Variants in LRP1B observed in about 807,000 individuals in gnomAD.
LRP1B encodes the protein low-density lipoprotein receptor-related protein 1B.
In LRP1B, 217 loss-of-function variants were observed where a neutral mutation model predicts 556.6. The ratio of observed to expected loss-of-function variants is 0.39; its 90% CI spans 0.35 to 0.44. The LOEUF is 0.44. LRP1B is among the 20% of genes least tolerant of loss of function. LRP1B has a pLI of 1.00. For synonymous variants in LRP1B, 2,047 were observed against 1,865.8 expected (o/e 1.10, Z -2.50); for missense variants, 5,053 against 5,620.8 (o/e 0.90, Z 3.23).
chr2:140,920,888 CTCAAG>C (rs1346284082), intron 21 of LRP1B, among the ~76,000 whole-genome samples: 1 of 151,974 alleles, frequency 6.6e-6, no homozygotes, highest in Non-Finnish European at 1.5e-5. Context: ...TAATCCAAAT[CTCAAG>C]TCAACACATA....
At chr2:141,238,337 T>C (rs1350972303) in intron 5 of LRP1B, among the ~76,000 whole-genome samples, 1 of 152,168 alleles carries the variant, frequency 6.6e-6, no homozygotes, top group Non-Finnish European at 1.5e-5. Context: ...TAAAATGTAA[T>C]GGGTATTGAC....
intron 2 of LRP1B, among the ~76,000 whole-genome samples, chr2:141,789,047 C>G (rs1047291883): frequency 1.3e-5 from 2 of 151,720 alleles, no homozygotes; most frequent in African/African-American, 4.8e-5. Context: ...GGGTATATAC[C>G]CAGTAATGGG....
chr2:141,176,260 G>A (rs773981350), intron 7 of LRP1B, among the ~76,000 whole-genome samples: 30 of 152,034 alleles, frequency 2.0e-4, no homozygotes, highest in Non-Finnish European at 3.5e-4. Context: ...TTTGGGAGGG[G>A]CAGTGGTGCA....
At chr2:140,878,392 T>C (rs1432919858) in intron 25 of LRP1B, among the ~76,000 whole-genome samples, 8 of 152,100 alleles carry the variant, frequency 5.3e-5, no homozygotes, top group Non-Finnish European at 8.8e-5. Flanking sequence ...AAATTATTTA[T>C]AAACAAAATT....
chr2:140,281,419 C>A (rs938390200), intron 84 of LRP1B, among the ~76,000 whole-genome samples: 1 of 151,604 alleles, frequency 6.6e-6, no homozygotes, highest in East Asian at 1.9e-4. Flanking sequence ...AGAAGAAAAT[C>A]AAAATAAACT....
intron 7 of LRP1B, among the ~76,000 whole-genome samples, chr2:141,121,099 A>T (rs1432720090): frequency 2.0e-5 from 3 of 152,072 alleles, no homozygotes; most frequent in Admixed American, 6.6e-5. Context: ...TTTACCACCT[A>T]TGCGACACTG....
intron 2 of LRP1B, among the ~76,000 whole-genome samples, chr2:141,653,961 A>G (rs1241628667): frequency 6.6e-6 from 1 of 152,218 alleles, no homozygotes; most frequent in African/African-American, 2.4e-5. Flanking sequence ...GAAGCTTACA[A>G]TAATTACAGA....
chr2:141,606,477 T>C (rs1687921450), intron 2 of LRP1B, among the ~76,000 whole-genome samples: 1 of 152,200 alleles, frequency 6.6e-6, no homozygotes, highest in South Asian at 2.1e-4. Flanking sequence ...ATTATGGATT[T>C]AATTGTATTC....
At chr2:140,698,040 A>G (rs1401534377) in intron 41 of LRP1B, among the ~76,000 whole-genome samples, 1 of 152,066 alleles carries the variant, frequency 6.6e-6, no homozygotes, top group African/African-American at 2.4e-5. Context: ...TATGATGTGT[A>G]AACTATACCT....
At chr2:140,739,589 TATC>T (rs1688069049) in intron 35 of LRP1B, among the ~76,000 whole-genome samples, 1 of 152,208 alleles carries the variant, frequency 6.6e-6, no homozygotes, top group Non-Finnish European at 1.5e-5. Flanking sequence ...CTGAGTTTCT[TATC>T]ATGTTCATCA....
At chr2:140,409,063 G>A (rs904308834) in intron 66 of LRP1B, among the ~76,000 whole-genome samples, 2 of 151,892 alleles carry the variant, frequency 1.3e-5, no homozygotes, top group African/African-American at 4.8e-5. Context: ...AATTTCACAT[G>A]CTTATTTAGG....
In LRP1B at chr2:142,130,703, G is replaced by C. The variant is rs369581813; in HGVS notation, c.27C>G (p.Leu9=). 3.1e-6 allele frequency: 5 copies of C among 1,613,350 alleles called. No homozygotes were observed. The highest frequency in any genetic ancestry group is 3.3e-5 in the Admixed American group (2 of 59,968). Residue 9 remains leucine, a synonymous_variant, in exon 1 of 91, where the codon CTC becomes CTG. Transcript: ENST00000389484. ...CAATCGGCAATAATCCCGAGAGAGT[G>C]AGTAAGGCGAGGAGAAACTCGGACA... is the stretch of plus-strand genomic sequence containing the variant. MSEFLLAL[L]TLSGLLPIAR...
intron 1 of LRP1B, among the ~76,000 whole-genome samples, chr2:142,063,914 A>G (rs550919074): frequency 3.6e-4 from 55 of 151,716 alleles, no homozygotes; most frequent in African/African-American, 1.3e-3. Context: ...CATATACATC[A>G]ATACCGTATA....
intron 1 of LRP1B, among the ~76,000 whole-genome samples, chr2:141,960,072 C>A (rs1304267960): frequency 2.0e-5 from 3 of 151,898 alleles, no homozygotes; most frequent in South Asian, 2.1e-4. Flanking sequence ...GTGACAAATG[C>A]AGTGAGAGGG....
At chr2:141,764,433 C>G (rs1301055876) in intron 2 of LRP1B, among the ~76,000 whole-genome samples, 1 of 152,146 alleles carries the variant, frequency 6.6e-6, no homozygotes, top group African/African-American at 2.4e-5. Context: ...CCACCTGCCT[C>G]GGCCTCCCAA....
chr2:140,274,659 A>G (rs2104953104), intron 84 of LRP1B, 61 bp from the exon 85 acceptor site: 1 of 1,385,160 alleles, frequency 7.2e-7, no homozygotes, highest in Middle Eastern at 1.8e-4. Context: ...TTCTTCAGTC[A>G]TAATTAAGGT....
intron 31 of LRP1B, among the ~76,000 whole-genome samples, chr2:140,825,640 A>T (rs1003240074): frequency 6.6e-6 from 1 of 152,220 alleles, no homozygotes; most frequent in Admixed American, 6.5e-5. Context: ...TATTAGTCGT[A>T]ACATAATCAT....
At chr2:140,934,652 A>G (rs1285730570) in intron 20 of LRP1B, among the ~76,000 whole-genome samples, 1 of 152,116 alleles carries the variant, frequency 6.6e-6, no homozygotes, top group African/African-American at 2.4e-5. Flanking sequence ...TGTGATCCAG[A>G]GTAGACAGAC....
chr2:141,248,932 T>C (rs1212691202), intron 4 of LRP1B, among the ~76,000 whole-genome samples: 1 of 152,060 alleles, frequency 6.6e-6, no homozygotes, highest in Non-Finnish European at 1.5e-5. Flanking sequence ...GTGTAAGAAG[T>C]AGAATAGACA....
Sources: gnomAD v4.1 joint callset for allele counts (sites outside exome capture counted in the v4.1 genomes callset) on GRCh38, gnomAD v4.1.1 for gene constraint, MANE v1.5 for transcripts, NCBI Gene and HGNC (gene_info 2026-07-23, HGNC 2026-07-21) for gene names.